Variants in ESRRB observed in about 807,000 individuals in gnomAD.
The protein encoded by ESRRB is estrogen related receptor beta, also known as steroid hormone receptor ERR2.
Under a neutral mutation model 46.0 loss-of-function variants are expected in ESRRB, and 16 were observed. The ratio of observed to expected loss-of-function variants is 0.35; its 90% confidence interval spans 0.24 to 0.53. The LOEUF is 0.53. ESRRB is among the 20% of genes least tolerant of loss of function. The pLI is 0.93. For missense variants in ESRRB, 488 were observed against 607.4 expected, an observed-to-expected ratio of 0.80 and a Z score of 2.07; for synonymous variants, 246 against 259.6, an observed-to-expected ratio of 0.95 and a Z score of 0.50.
At chr14:76,371,931 C>A (rs1884634669), upstream of ESRRB, among the ~76,000 whole-genome samples, 1 of 152,152 alleles carries the variant, frequency 6.6e-6, no homozygotes, top group African/African-American at 2.4e-5. Flanking sequence ...CTAAGAGACA[C>A]TGCTTGCTGC....
At chr14:76,430,254 T>C (rs1452202157) in intron 1 of ESRRB, among the ~76,000 whole-genome samples, 1 of 152,236 alleles carries the variant, frequency 6.6e-6, no homozygotes, top group East Asian at 1.9e-4. Context: ...CTGGAGGGTC[T>C]GAGGATCTGC....
intron 2 of ESRRB, among the ~76,000 whole-genome samples, chr14:76,458,533 G>T (rs2139981441): frequency 6.6e-6 from 1 of 151,960 alleles, no homozygotes; most frequent in African/African-American, 2.4e-5. Flanking sequence ...GGGACTTGCT[G>T]TTAGCACTTG....
At chr14:76,348,726 T>C (rs953608465) in intron 1 of ESRRB, among the ~76,000 whole-genome samples, 4 of 152,158 alleles carry the variant, frequency 2.6e-5, no homozygotes, top group African/African-American at 7.2e-5. Flanking sequence ...GGCAAGTGCA[T>C]AGACTGTGTT....
intron 1 of ESRRB, among the ~76,000 whole-genome samples, chr14:76,435,519 G>T (rs551376216): frequency 1.3e-5 from 2 of 152,324 alleles, no homozygotes; most frequent in African/African-American, 4.8e-5. Context: ...GGCATGCTGA[G>T]GAGGCCAAAA....
intron 1 of ESRRB, among the ~76,000 whole-genome samples, chr14:76,332,752 T>A (rs1161931788): frequency 7.5e-4 from 8 of 10,624 alleles, no homozygotes; most frequent in East Asian, 0.016. Flanking sequence ...ATTTATATAT[T>A]ATATATAAAT....
At chr14:76,356,467 A>G (rs961631763) in intron 1 of ESRRB, among the ~76,000 whole-genome samples, 1 of 152,070 alleles carries the variant, frequency 6.6e-6, no homozygotes, top group Non-Finnish European at 1.5e-5. Flanking sequence ...TCTAGCCCCA[A>G]AGCCTGTGCT....
At chr14:76,433,475 C>A (rs566230426) in intron 1 of ESRRB, among the ~76,000 whole-genome samples, 1 of 152,136 alleles carries the variant, frequency 6.6e-6, no homozygotes, top group Non-Finnish European at 1.5e-5. Flanking sequence ...ATTCTCAACA[C>A]GCCCCCTTCT....
chr14:76,433,754 A>G (rs1308336592), intron 1 of ESRRB, among the ~76,000 whole-genome samples: 1 of 152,050 alleles, frequency 6.6e-6, no homozygotes, highest in Non-Finnish European at 1.5e-5. Context: ...ATGTCCCCAG[A>G]CACTTCCTGA....
chr14:76,474,377 A>T (rs891016025), intron 3 of ESRRB, among the ~76,000 whole-genome samples: 3 of 152,226 alleles, frequency 2.0e-5, no homozygotes, highest in East Asian at 1.9e-4. Flanking sequence ...ACATATTTTT[A>T]AAAAATTTTA....
At chr14:76,321,583 A>G (rs1566850493) in intron 1 of ESRRB, among the ~76,000 whole-genome samples, 1 of 152,052 alleles carries the variant, frequency 6.6e-6, no homozygotes, top group African/African-American at 2.4e-5. Context: ...ACATTTCTTT[A>G]TTGTTTCCTT....
intron 1 of ESRRB, among the ~76,000 whole-genome samples, chr14:76,337,591 G>A (rs944563061): frequency 1.3e-5 from 2 of 152,210 alleles, no homozygotes; most frequent in Non-Finnish European, 2.9e-5. Flanking sequence ...GTGCTTGACT[G>A]TTCACCTGAA....
At chr14:76,325,445 G>A (rs565866024) in intron 1 of ESRRB, among the ~76,000 whole-genome samples, 1 of 152,274 alleles carries the variant, frequency 6.6e-6, no homozygotes, top group Non-Finnish European at 1.5e-5. Context: ...GAAAGGAGAC[G>A]GGGTGTGTAA....
At chr14:76,466,543 G>T (rs1377198879) in intron 3 of ESRRB, among the ~76,000 whole-genome samples, 1 of 151,932 alleles carries the variant, frequency 6.6e-6, no homozygotes, top group Non-Finnish European at 1.5e-5. Flanking sequence ...AGCAGACCAT[G>T]GAAAACAGGA....
intron 1 of ESRRB, among the ~76,000 whole-genome samples, chr14:76,337,781 CT>C (rs146976518): frequency 0.02 from 2,977 of 152,298 alleles, 104 homozygotes; most frequent in African/African-American, 0.068. Flanking sequence ...AGAGCACACC[CT>C]CTATGAACAC....
At chr14:76,311,546 T>C (rs1883734482) in intron 1 of ESRRB, among the ~76,000 whole-genome samples, 1 of 152,216 alleles carries the variant, frequency 6.6e-6, no homozygotes, top group Admixed American at 6.5e-5. Flanking sequence ...CGATGAGAGC[T>C]GAGGATTTGT....
At chr14:76,484,100 C>T (rs941366704) in intron 5 of ESRRB, among the ~76,000 whole-genome samples, 3 of 152,318 alleles carry the variant, frequency 2.0e-5, no homozygotes, top group Non-Finnish European at 2.9e-5. Context: ...AAGTGATTTG[C>T]GCACCTCAGC....
intron 1 of ESRRB, among the ~76,000 whole-genome samples, chr14:76,339,036 A>C (rs1295325909): frequency 6.6e-6 from 1 of 152,252 alleles, no homozygotes; most frequent in Non-Finnish European, 1.5e-5. Context: ...AAAAAAATGA[A>C]CATTTGATTT....
chr14:76,343,825 T>G (rs1884219146), intron 1 of ESRRB, among the ~76,000 whole-genome samples: 1 of 152,194 alleles, frequency 6.6e-6, no homozygotes, highest in South Asian at 2.1e-4. Flanking sequence ...AGAAATAAAA[T>G]CATTAATTTG....
chr14:76,332,890 ATT>A (rs1566853545), intron 1 of ESRRB, among the ~76,000 whole-genome samples: 2 of 36,362 alleles, frequency 5.5e-5, no homozygotes, highest in African/African-American at 1.2e-4. Context: ...TATATTATAT[ATT>A]TATATATTAT....
Sources: gnomAD v4.1 joint callset for allele counts (sites outside exome capture counted in the v4.1 genomes callset) on GRCh38, gnomAD v4.1.1 for gene constraint, MANE v1.5 for transcripts, NCBI Gene and HGNC (gene_info 2026-07-23, HGNC 2026-07-21) for gene names.